Variants in OR1B1 observed in about 807,000 individuals in gnomAD.
OR1B1 encodes olfactory receptor family 1 subfamily B member 1.
For synonymous variants in OR1B1, 168 were observed against 156.2 expected, an observed-to-expected ratio of 1.08 and a Z score of -0.57; for missense variants, 414 against 402.1, an observed-to-expected ratio of 1.03 and a Z score of -0.25.
the OR1B1 span, among the ~76,000 whole-genome samples, chr9:122,635,339 G>A: frequency 6.6e-6 from 1 of 152,112 alleles, no homozygotes; most frequent in Admixed American, 6.5e-5. Flanking sequence ...TAGAAACAGT[G>A]ACTAGAAGGG....
the OR1B1 span, among the ~76,000 whole-genome samples, chr9:122,647,218 C>T: frequency 1.1e-4 from 16 of 151,930 alleles, no homozygotes; most frequent in South Asian, 3.3e-3. Flanking sequence ...TTAAAACACT[C>T]AAAAAATTGA....
At chr9:122,636,855 C>A in the OR1B1 span, among the ~76,000 whole-genome samples, 1 of 152,306 alleles carries the variant, frequency 6.6e-6, no homozygotes, top group African/African-American at 2.4e-5. Context: ...TGATCTTAAG[C>A]AAGTTATGCT....
At chr9:122,641,608 G>A in the OR1B1 span, among the ~76,000 whole-genome samples, 2 of 152,200 alleles carry the variant, frequency 1.3e-5, no homozygotes, top group South Asian at 2.1e-4. Context: ...TTCCCAGGGA[G>A]TGGGGGTTGG....
At chr9:122,640,265 T>C in the OR1B1 span, among the ~76,000 whole-genome samples, 2 of 152,190 alleles carry the variant, frequency 1.3e-5, no homozygotes, top group South Asian at 2.1e-4. Flanking sequence ...CTCCAAGTGG[T>C]TATCTCTTTT....
upstream of OR1B1, among the ~76,000 whole-genome samples, chr9:122,632,920 A>G (rs1017015357): frequency 1.3e-5 from 2 of 152,334 alleles, no homozygotes; most frequent in South Asian, 4.1e-4. Context: ...TTACAGTTCC[A>G]CATGGCTGGG....
the OR1B1 span, among the ~76,000 whole-genome samples, chr9:122,653,922 C>G: frequency 6.6e-6 from 1 of 152,120 alleles, no homozygotes; most frequent in Non-Finnish European, 1.5e-5. Context: ...TCCATCAAAT[C>G]TCTTTAACAT....
the OR1B1 span, among the ~76,000 whole-genome samples, chr9:122,654,955 T>C: frequency 1.3e-5 from 2 of 152,226 alleles, no homozygotes; most frequent in Non-Finnish European, 2.9e-5. Flanking sequence ...CAGCAAAAAC[T>C]GAAAATTACT....
At chr9:122,638,219 G>C in the OR1B1 span, among the ~76,000 whole-genome samples, 1 of 152,154 alleles carries the variant, frequency 6.6e-6, no homozygotes, top group Non-Finnish European at 1.5e-5. Context: ...TTTAGGAAAA[G>C]AGGAAAGAGA....
At chr9:122,651,824 A>G in the OR1B1 span, among the ~76,000 whole-genome samples, 1 of 152,204 alleles carries the variant, frequency 6.6e-6, no homozygotes, top group Admixed American at 6.5e-5. Context: ...CTTTTGCTCT[A>G]TCACACAGGC....
chr9:122,628,982 C>T (rs1446228477), exon 1 of OR1B1: 2 of 1,613,916 alleles, frequency 1.2e-6, no homozygotes, highest in Non-Finnish European at 8.5e-7. Context: ...CCGGTGGTCA[C>T]AAAAGAAGTG....
At chr9:122,652,833 A>C in the OR1B1 span, among the ~76,000 whole-genome samples, 7 of 152,192 alleles carry the variant, frequency 4.6e-5, no homozygotes, top group Non-Finnish European at 1.0e-4. Context: ...TTGGAAGGAT[A>C]TAGGGGAATA....
chr9:122,634,394 G>T (rs1198772068), upstream of OR1B1, among the ~76,000 whole-genome samples: 1 of 151,632 alleles, frequency 6.6e-6, no homozygotes, highest in Non-Finnish European at 1.5e-5. Context: ...AGAAATACCC[G>T]AGACTGGGTG....
At chr9:122,629,608 A>T, upstream of OR1B1, 1 of 900,394 alleles carries the variant, frequency 1.1e-6, no homozygotes, top group South Asian at 1.7e-5. Context: ...TAGGGATCAT[A>T]GCATTTCTAG....
chr9:122,657,216 C>A, the OR1B1 span, among the ~76,000 whole-genome samples: 1 of 152,026 alleles, frequency 6.6e-6, no homozygotes, highest in East Asian at 1.9e-4. Flanking sequence ...AATAAAAATA[C>A]AAATAATAGA....
At chr9:122,651,096 G>A in the OR1B1 span, among the ~76,000 whole-genome samples, 1 of 151,970 alleles carries the variant, frequency 6.6e-6, no homozygotes, top group Non-Finnish European at 1.5e-5. Context: ...TATATCTGAT[G>A]AACATTTTAG....
the OR1B1 span, among the ~76,000 whole-genome samples, chr9:122,649,522 C>T: frequency 2.6e-5 from 4 of 152,130 alleles, no homozygotes; most frequent in African/African-American, 9.7e-5. Flanking sequence ...GGGCTAATAT[C>T]CAGAATCTAC....
upstream of OR1B1, among the ~76,000 whole-genome samples, chr9:122,634,149 CA>C (rs748037461): frequency 5.3e-5 from 8 of 151,882 alleles, no homozygotes; most frequent in Non-Finnish European, 7.4e-5. Flanking sequence ...CCAACCTGAC[CA>C]ACGTGGAGAA....
chr9:122,634,194 G>A (rs758352651), upstream of OR1B1, among the ~76,000 whole-genome samples: 43 of 152,052 alleles, frequency 2.8e-4, no homozygotes, highest in Non-Finnish European at 5.3e-4. Flanking sequence ...AAATTAGCCA[G>A]GCGTGGTGGC....
chr9:122,642,980 T>A, the OR1B1 span, among the ~76,000 whole-genome samples: 3 of 152,220 alleles, frequency 2.0e-5, no homozygotes, highest in Admixed American at 6.5e-5. Context: ...ATATAGTGCC[T>A]GGCATGTACT....
Sources: gnomAD v4.1 joint callset for allele counts (sites outside exome capture counted in the v4.1 genomes callset) on GRCh38, gnomAD v4.1.1 for gene constraint, MANE v1.5 for transcripts, NCBI Gene and HGNC (gene_info 2026-07-23, HGNC 2026-07-21) for gene names.